The following DEFB115 variants were observed in gnomAD, a reference collection of about 807,000 sequenced individuals.
DEFB115 encodes the protein defensin beta 115.
DEFB115 carries 7 observed loss-of-function variants against 8.8 expected under a neutral mutation model. The observed-to-expected ratio is 0.79, with a 90% CI of 0.45 to 1.49. The LOEUF (loss-of-function observed/expected upper bound fraction) is 1.49. DEFB115 is among the 40% of genes most tolerant of loss of function. DEFB115 has a pLI of 0.01. For synonymous variants in DEFB115, 62 were observed against 37.6 expected (o/e 1.65, Z -2.37); for missense variants, 143 against 99.4 (o/e 1.44, Z -1.86).
At chr20:31,258,111 A>T (rs1330428917) in intron 1 of DEFB115, among the ~76,000 whole-genome samples, 1 of 152,158 alleles carries the variant, frequency 6.6e-6, no homozygotes, top group African/African-American at 2.4e-5. Context: ...CTTTCAGTTG[A>T]TACTACCTCT....
In DEFB115 at chr20:31,257,736, G is replaced by A. The variant is rs754890194; in HGVS notation, c.73G>A (p.Val25Ile). Reference protein sequence around the residue: ...LSVLALVVLVVLAQTAPDGWI... With the variant: ...LSVLALVVLVILAQTAPDGWI... The stretch of plus-strand genomic sequence containing the variant: ...TGTCCTGGCCTTAGTTGTCCTTGTG[G>A]TCCTGGCTCAGACTGCCCCAGGTAA... Residue 25 changes from valine (V) to isoleucine (I), a missense_variant, in exon 1 of 2, where the codon GTC becomes ATC. By Grantham distance (29) the Val-to-Ile change is conservative (BLOSUM62 3). Coordinates refer to ENST00000400552, the MANE Select transcript of DEFB115 (RefSeq NM_001037730.1). 9.3e-6 allele frequency: 15 copies of A among 1,613,776 alleles called. No homozygotes were observed. In the African/African-American group the frequency reaches 1.2e-4, roughly 13 times the overall value.
In DEFB115 at chr20:31,259,581, T is replaced by G; in HGVS notation, c.216T>G (p.Asp72Glu). 1 of 1,612,056 alleles carries G rather than the reference T, an allele frequency of 6.2e-7. No individual in the cohort carries two copies. Among genetic ancestry groups the G allele is most frequent in the Non-Finnish European group, 8.5e-7 (1 of 1,179,290 alleles). ...TTTGCTGTGTCCCTAAAGAAAAGGA[T>G]AAACTATCACACATTCACGACCAAA... is the stretch of plus-strand genomic sequence containing the variant. ...KHICCVPKEK[D>E]KLSHIHDQKE... The change falls in exon 2 of 2, where the codon GAT becomes GAG. Residue 72 changes from aspartate to glutamate, a missense_variant. By Grantham distance (45) the Asp-to-Glu change is conservative. Transcript: ENST00000400552.
intron 1 of DEFB115, among the ~76,000 whole-genome samples, chr20:31,258,611 G>A (rs530109767): frequency 2.0e-5 from 3 of 152,306 alleles, no homozygotes; most frequent in Admixed American, 6.5e-5. Flanking sequence ...TCCAGCGAGG[G>A]CAAGTAGAAT....
chr20:31,259,084 T>C (rs1239134615), intron 1 of DEFB115, among the ~76,000 whole-genome samples: 1 of 152,110 alleles, frequency 6.6e-6, no homozygotes, highest in African/African-American at 2.4e-5. Context: ...TGGCACATAG[T>C]AGATGCTCAA....
intron 1 of DEFB115, among the ~76,000 whole-genome samples, chr20:31,258,349 A>G (rs777263288): frequency 1.3e-5 from 2 of 152,206 alleles, no homozygotes; most frequent in Non-Finnish European, 2.9e-5. Flanking sequence ...GCTCTCTAAC[A>G]GTATAAACAG....
At chr20:31,258,648 T>C (rs1490032055) in intron 1 of DEFB115, among the ~76,000 whole-genome samples, 1 of 152,124 alleles carries the variant, frequency 6.6e-6, no homozygotes, top group Non-Finnish European at 1.5e-5. Context: ...GCAAGAGACA[T>C]TTTGGAGAAA....
intron 1 of DEFB115, 44 bp downstream of exon 1, chr20:31,257,801 G>T: frequency 1.3e-6 from 2 of 1,527,078 alleles, no homozygotes; most frequent in Non-Finnish European, 1.8e-6. Context: ...GTAAGGATGG[G>T]GTCCTAACCA....
In DEFB115 at chr20:31,257,817, T is replaced by A. The variant is rs1600438204; in HGVS notation, c.94+60T>A. 2.1e-6 allele frequency: 3 copies of A among 1,459,622 alleles called. No homozygotes were observed. The South Asian group carries it at 3.4e-5, about 17-fold the overall frequency. 90.4% of individuals were successfully genotyped at this position (1,459,622 alleles called of 1,614,324 possible). ...TAAGGATGGGGTCCTAACCACAGAA[T>A]CACTGGAAAATTGAACATGTGTAGA... On this transcript the variant is annotated intron_variant, in intron 1 of 1. Coordinates refer to ENST00000400552, the MANE Select transcript of DEFB115 (RefSeq NM_001037730.1).
rs562875382 is a variant in DEFB115, at chr20:31,258,275, G to C, written c.94+518G>C. On this transcript the variant is annotated intron_variant, in intron 1 of 1. Coordinates refer to ENST00000400552, the MANE Select transcript of DEFB115 (RefSeq NM_001037730.1). The stretch of plus-strand genomic sequence containing the variant: ...TGATATCTACAGGTTTATAAAAACA[G>C]GCTCACAGTATGGAGCTGGGGTTAC... Among the ~76,000 whole-genome samples, 50 of 152,298 alleles carry C rather than the reference G, an allele frequency of 3.3e-4. 2 individuals carry two copies. In the South Asian group the frequency reaches 1.0e-2, roughly 30 times the overall value.
rs773175537 is a variant in DEFB115 at position 31,259,623 on chromosome 20, A to C, written c.258A>C (p.Leu86=). 6.3e-7 allele frequency: 1 copy of C among 1,596,772 alleles called. No individual in the cohort carries two copies. Among genetic ancestry groups the C allele is most frequent in the Non-Finnish European group, 8.5e-7 (1 of 1,173,192 alleles). Residue 86 remains leucine (L), a synonymous_variant, in exon 2 of 2, where the codon CTA becomes CTC. Coordinates refer to ENST00000400552, the MANE Select transcript of DEFB115 (RefSeq NM_001037730.1). Reference sequence around the variant, plus strand: ...ACGACCAAAAAGAGACAAGTGAGCTATATATCTAGTTGCGACTCCTAATTC... The same window carrying C: ...ACGACCAAAAAGAGACAAGTGAGCTCTATATCTAGTTGCGACTCCTAATTC... ...HIHDQKETSE[L]YI is the part of the protein sequence containing the mutation.
At position 31,259,565 on chromosome 20, in the gene DEFB115, T is replaced by C. The variant is rs1983847431; in HGVS notation, c.200T>C (p.Val67Ala). ...EKCGEKHICCVPKEKDKLSHI... is the reference protein window; with the variant it reads ...EKCGEKHICCAPKEKDKLSHI... ...TGTGGGGAAAAACATATTTGCTGTGTCCCTAAAGAAAAGGATAAACTATCA... is the reference window on the plus strand; with the variant it reads ...TGTGGGGAAAAACATATTTGCTGTGCCCCTAAAGAAAAGGATAAACTATCA... The change falls in exon 2 of 2, where the codon GTC (valine) becomes GCC (alanine). Residue 67 changes from valine to alanine, a missense_variant. Physicochemically the swap from Val to Ala is moderately conservative, Grantham distance 64 (BLOSUM62 0). Transcript: ENST00000400552. 6.2e-7 allele frequency: 1 copy of C among 1,612,360 alleles called. No homozygotes were observed. Among genetic ancestry groups the C allele is most frequent in the East Asian group, 2.2e-5 (1 of 44,826 alleles).
At chr20:31,258,919 G>T (rs1983826451) in intron 1 of DEFB115, among the ~76,000 whole-genome samples, 2 of 151,978 alleles carry the variant, frequency 1.3e-5, no homozygotes, top group African/African-American at 4.8e-5. Context: ...TCAGAGAAGG[G>T]CACAGTGTTA....
Position 31,257,677 on chromosome 20 carries a change from AT to A in DEFB115, c.17del (p.Phe6SerfsTer15). 6.2e-7 allele frequency: 1 copy of A among 1,613,782 alleles called. No individual in the cohort carries two copies. The highest frequency in any genetic ancestry group is 2.2e-5 in the East Asian group (1 of 44,858). The stretch of plus-strand genomic sequence containing the variant: ...AGCACACTCAGAATGCTGCCAGATC[AT>A]TTCTCACCCCTCTCAGGAGACATTA... MLPDHFSPLSGDIKL... is the reference protein window; with the variant it reads MLPDXFSPLSGDIKL... On this transcript the variant is annotated frameshift_variant, in exon 1 of 2. Transcript: ENST00000400552. LOFTEE classifies it high-confidence loss of function.
In DEFB115 at chr20:31,259,511, G is replaced by C. The variant is rs115431286; in HGVS notation, c.146G>C (p.Cys49Ser). 669 of 1,613,202 alleles carry C rather than the reference G, an allele frequency of 4.1e-4. 9 individuals are homozygous for C. In the African/African-American group the frequency reaches 7.5e-3, roughly 18 times the overall value. Residue 49 changes from cysteine to serine, a missense_variant, in exon 2 of 2, where the codon TGC becomes TCC. By Grantham distance (112) the Cys-to-Ser change is moderately radical (BLOSUM62 -1). Coordinates refer to ENST00000400552, the MANE Select transcript of DEFB115 (RefSeq NM_001037730.1). ...GGAACTGGCAGATGCAGGAAATCAT[G>C]CAAAGAAATTGAGAGGAAGAAAGAA... ...YYGTGRCRKS[C>S]KEIERKKEKC... is the part of the protein sequence containing the mutation.
chr20:31,258,097 C>T lies in DEFB115; in HGVS notation c.94+340C>T, dbSNP rs778732413. On this transcript the variant is annotated intron_variant, in intron 1 of 1. Coordinates refer to ENST00000400552, the MANE Select transcript of DEFB115 (RefSeq NM_001037730.1). ...CATCCTGTGAGTCTCTCACTTCAACCCCACTTTCAGTTGATACTACCTCTT... is the reference window on the plus strand; with the variant it reads ...CATCCTGTGAGTCTCTCACTTCAACTCCACTTTCAGTTGATACTACCTCTT... 6.6e-5 allele frequency among the ~76,000 whole-genome samples: 10 copies of T among 152,202 alleles called. No homozygotes were observed. In the South Asian group the frequency reaches 2.1e-3, roughly 31 times the overall value.
chr20:31,259,427 T>C (rs776066439), intron 1 of DEFB115, 33 bp from the exon 2 acceptor site: 3 of 1,540,910 alleles, frequency 1.9e-6, no homozygotes, highest in Non-Finnish European at 2.6e-6. Flanking sequence ...TTCAAATGTA[T>C]TTATATATTC....
intron 1 of DEFB115, 45 bp downstream of exon 1, chr20:31,257,802 G>T (rs752742593): frequency 6.6e-7 from 1 of 1,522,860 alleles, no homozygotes; most frequent in Admixed American, 1.7e-5. Flanking sequence ...TAAGGATGGG[G>T]TCCTAACCAC....
chr20:31,257,939 G>A lies in DEFB115; in HGVS notation c.94+182G>A, dbSNP rs542937821. On this transcript the variant is annotated intron_variant, in intron 1 of 1. Coordinates refer to ENST00000400552, the MANE Select transcript of DEFB115 (RefSeq NM_001037730.1). ...GCAGCCTGTCAGGCCTGACCATGGTGGTGGTTCTCATTAGGGAACCTGGAG... is the reference window on the plus strand; with the variant it reads ...GCAGCCTGTCAGGCCTGACCATGGTAGTGGTTCTCATTAGGGAACCTGGAG... 3.3e-4 allele frequency among the ~76,000 whole-genome samples: 50 copies of A among 152,288 alleles called. 2 individuals are homozygous for A. In the South Asian group the frequency reaches 1.0e-2, roughly 30 times the overall value.
chr20:31,257,821 TG>T (rs1439532299), intron 1 of DEFB115, 64 bp downstream of exon 1: 1 of 1,433,320 alleles, frequency 7.0e-7, no homozygotes, highest in African/African-American at 1.4e-5. Context: ...ACAGAATCAC[TG>T]GAAAATTGAA....
Sources: gnomAD v4.1 joint callset for allele counts (sites outside exome capture counted in the v4.1 genomes callset) on GRCh38, gnomAD v4.1.1 for gene constraint, MANE v1.5 for transcripts, NCBI Gene and HGNC (gene_info 2026-07-23, HGNC 2026-07-21) for gene names.